Variants in FGF12 observed in about 807,000 individuals in gnomAD.
The protein encoded by FGF12 is fibroblast growth factor 12B.
A neutral mutation model predicts 23.6 loss-of-function variants in FGF12; 14 were observed. That is an observed-to-expected ratio of 0.59 (90% CI 0.39 to 0.93). The LOEUF is 0.93. Among genes scored for constraint, FGF12 ranks in the 40% least tolerant of loss-of-function variants. FGF12 has a pLI of 0.00. For missense variants in FGF12, 175 were observed against 217.8 expected (o/e 0.80, Z 1.24); for synonymous variants, 62 against 77.3 (o/e 0.80, Z 1.04).
chr3:192,247,442 A>C (rs1711698473), intron 4 of FGF12, among the ~76,000 whole-genome samples: 1 of 152,166 alleles, frequency 6.6e-6, no homozygotes, highest in Admixed American at 6.5e-5. Flanking sequence ...GATATGGCTC[A>C]ATGGACTCTG....
At chr3:192,321,179 A>C (rs972820375) in intron 4 of FGF12, among the ~76,000 whole-genome samples, 29 of 152,116 alleles carry the variant, frequency 1.9e-4, no homozygotes, top group Admixed American at 1.9e-3. Context: ...TACTATAAGC[A>C]ACTACACACC....
chr3:192,203,795 G>T (rs148637371), intron 4 of FGF12, among the ~76,000 whole-genome samples: 1 of 151,990 alleles, frequency 6.6e-6, no homozygotes, highest in East Asian at 1.9e-4. Context: ...TAGAGACAGG[G>T]TTCTCACTAT....
At chr3:192,557,644 A>T (rs1711843249) in intron 2 of FGF12, among the ~76,000 whole-genome samples, 1 of 151,924 alleles carries the variant, frequency 6.6e-6, no homozygotes, top group Non-Finnish European at 1.5e-5. Context: ...ATTCCCAATG[A>T]ATACATACGT....
chr3:192,357,250 G>A (rs1475199929), intron 3 of FGF12, among the ~76,000 whole-genome samples: 6 of 152,144 alleles, frequency 3.9e-5, no homozygotes, highest in Non-Finnish European at 7.3e-5. Flanking sequence ...TTGGGAGGCC[G>A]AGGCGGGTGG....
chr3:192,478,880 C>T (rs60279326), intron 2 of FGF12, among the ~76,000 whole-genome samples: 17,854 of 152,094 alleles, frequency 0.12, 3,383 homozygotes, highest in African/African-American at 0.4. Flanking sequence ...TGGTGTTGTC[C>T]TGATGTTATG....
At chr3:192,462,622 G>C (rs1035909955) in intron 2 of FGF12, among the ~76,000 whole-genome samples, 1 of 152,082 alleles carries the variant, frequency 6.6e-6, no homozygotes, top group African/African-American at 2.4e-5. Flanking sequence ...ACAGAAAATA[G>C]ACTGACACAG....
In FGF12 at chr3:192,564,271, G is replaced by C. The variant is rs534374770; in HGVS notation, c.13+162910C>G. Among the ~76,000 whole-genome samples the C allele has an allele frequency of 3.1e-4, 47 of 152,010 alleles. 1 individual carries two copies. In the South Asian group the frequency reaches 9.6e-3, roughly 31 times the overall value. ...TAGAGACGGGGTTTCTCCATGTTGA[G>C]CAGGCTGGTCTTGAACTCCTGACCT... On this transcript the variant is annotated intron_variant, in intron 2 of 5. Transcript: ENST00000445105.
chr3:192,376,638 A>C (rs1037440311), intron 2 of FGF12, among the ~76,000 whole-genome samples: 1 of 152,242 alleles, frequency 6.6e-6, no homozygotes, highest in Non-Finnish European at 1.5e-5. Context: ...CTGGGATTAC[A>C]GGCGTGAGCC....
chr3:192,335,682 T>C lies in FGF12; in HGVS notation c.125-218A>G, dbSNP rs77590906. On this transcript the variant is annotated intron_variant, in intron 3 of 5. Coordinates refer to ENST00000445105, the MANE Select transcript of FGF12 (RefSeq NM_004113.6). ...CTTCAGGTAAATTACATAAACTCTG[T>C]ACTAAAGGGGTTGGATTAGAAGGTC... Among the ~76,000 whole-genome samples, 495 of 152,192 alleles carry C rather than the reference T, an allele frequency of 3.3e-3. 8 individuals carry two copies. The highest frequency in any genetic ancestry group is 0.012 in the African/African-American group (478 of 41,550).
intron 4 of FGF12, among the ~76,000 whole-genome samples, chr3:192,243,026 A>T (rs1454171812): frequency 1.3e-5 from 2 of 152,094 alleles, no homozygotes; most frequent in Non-Finnish European, 2.9e-5. Context: ...GTGGAAAAAC[A>T]CATAATATTC....
chr3:192,490,851 A>T (rs1371347302), intron 2 of FGF12, among the ~76,000 whole-genome samples: 1 of 152,168 alleles, frequency 6.6e-6, no homozygotes, highest in Non-Finnish European at 1.5e-5. Flanking sequence ...CGATGGTGTC[A>T]TCGCAAGATA....
chr3:192,693,717 C>T (rs1188352700), intron 2 of FGF12, among the ~76,000 whole-genome samples: 2 of 152,034 alleles, frequency 1.3e-5, no homozygotes, highest in Non-Finnish European at 2.9e-5. Context: ...ACAATAAAAT[C>T]AGAACCTTAT....
At position 192,727,281 on chromosome 3, in the gene FGF12, T is replaced by C; in HGVS notation, c.-88A>G. 2 of 1,552,738 alleles carry C rather than the reference T, an allele frequency of 1.3e-6. No individual in the cohort carries two copies. The highest frequency in any genetic ancestry group is 1.7e-6 in the Non-Finnish European group (2 of 1,147,580). On this transcript the variant is annotated 5_prime_UTR_variant, in exon 2 of 6. Transcript: ENST00000445105. ...CAGATTCCCAAATCTGGGAAGCCAA[T>C]CTGATGATTTCGCCCGTACTTCCTT...
chr3:192,482,658 C>T (rs903353300), intron 2 of FGF12, among the ~76,000 whole-genome samples: 1 of 151,944 alleles, frequency 6.6e-6, no homozygotes, highest in African/African-American at 2.4e-5. Flanking sequence ...AAAAAAAGAA[C>T]AGCATGGAGT....
intron 2 of FGF12, among the ~76,000 whole-genome samples, chr3:192,439,843 G>C (rs985011297): frequency 1.3e-5 from 2 of 152,034 alleles, no homozygotes; most frequent in Non-Finnish European, 2.9e-5. Context: ...CGGGTGTGGT[G>C]GTGGGCGCCT....
intron 4 of FGF12, among the ~76,000 whole-genome samples, chr3:192,200,845 T>C (rs1260239322): frequency 6.6e-6 from 1 of 152,164 alleles, no homozygotes; most frequent in Non-Finnish European, 1.5e-5. Context: ...TATTTTATAT[T>C]ATTTGTCAGA....
chr3:192,548,913 C>A (rs1023144285), intron 2 of FGF12, among the ~76,000 whole-genome samples: 2 of 152,046 alleles, frequency 1.3e-5, no homozygotes, highest in Non-Finnish European at 2.9e-5. Context: ...TGCAATATAA[C>A]CCTGTCTCTT....
At chr3:192,637,201 T>C (rs1356717069) in intron 2 of FGF12, among the ~76,000 whole-genome samples, 1 of 152,244 alleles carries the variant, frequency 6.6e-6, no homozygotes, top group Non-Finnish European at 1.5e-5. Flanking sequence ...ACTTCAGTGA[T>C]GCCAAGCTTC....
At chr3:192,612,116 C>G (rs998065635) in intron 2 of FGF12, among the ~76,000 whole-genome samples, 1 of 151,930 alleles carries the variant, frequency 6.6e-6, no homozygotes. Flanking sequence ...GAATTGCAAC[C>G]AAGGCCAGTT....
Sources: allele counts gnomAD v4.1 joint callset (sites outside exome capture counted in the v4.1 genomes callset), GRCh38; gene constraint gnomAD v4.1.1; transcripts MANE v1.5; gene names NCBI Gene and HGNC (gene_info 2026-07-23, HGNC 2026-07-21).